ZNF227: variants seen among roughly 807,000 people sequenced by gnomAD.
The protein encoded by ZNF227 is zinc finger protein 227.
In ZNF227, 12 loss-of-function variants were observed where a neutral mutation model predicts 13.2. The observed-to-expected ratio is 0.91, with a 90% CI of 0.58 to 1.47. The LOEUF (loss-of-function observed/expected upper bound fraction) is 1.47, where lower values mean the gene tolerates loss of function less well. Among genes scored for constraint, ZNF227 ranks in the 40% most tolerant of loss-of-function variants. The pLI, the probability that ZNF227 is intolerant of heterozygous loss-of-function variation, is 0.00. For missense variants in ZNF227, 885 were observed against 967.5 expected (o/e 0.91, Z 1.13); for synonymous variants, 338 against 326.0 (o/e 1.04, Z -0.40).
chr19:44,211,881 TATAATAG>T (rs1971386826), upstream of ZNF227, among the ~76,000 whole-genome samples: 1 of 148,602 alleles, frequency 6.7e-6, no homozygotes, highest in Non-Finnish European at 1.5e-5. Context: ...ATCTGTTTCT[TATAATAG>T]TTTTTTTTTT....
chr19:44,220,354 C>CACTG (rs1363733093), intron 3 of ZNF227, among the ~76,000 whole-genome samples: 1 of 152,114 alleles, frequency 6.6e-6, no homozygotes, highest in Non-Finnish European at 1.5e-5. Flanking sequence ...GGAATTGCCA[C>CACTG]ACTGACTTCC....
At position 44,235,732 on chromosome 19, in the gene ZNF227, A is replaced by G. The variant is rs762162162; in HGVS notation, c.1302A>G (p.Lys434=). The G allele has an allele frequency of 3.1e-6, 5 of 1,613,668 alleles. No individual in the cohort carries two copies. The African/African-American group carries it at 6.7e-5, about 22-fold the overall frequency. Residue 434 remains lysine, a synonymous_variant, in exon 6 of 6, where the codon AAA becomes AAG. Coordinates refer to ENST00000313040, the MANE Select transcript of ZNF227 (RefSeq NM_182490.3). The stretch of plus-strand genomic sequence containing the variant: ...ATCAGAGAGTCCACACTGGAGAGAA[A>G]CCCTACAAGTGTGATGTGTGTGGTA... ...HIHQRVHTGE[K]PYKCDVCGKG...
At chr19:44,229,840 G>T (rs1334001202) in intron 5 of ZNF227, 24 bp downstream of exon 5, 4 of 1,507,570 alleles carry the variant, frequency 2.7e-6, no homozygotes, top group Non-Finnish European at 2.7e-6. Flanking sequence ...TGAGAACCCT[G>T]TGTCTGTTCT....
intron 2 of ZNF227, among the ~76,000 whole-genome samples, chr19:44,216,877 G>A (rs1237446734): frequency 6.6e-6 from 1 of 151,574 alleles, no homozygotes; most frequent in East Asian, 1.9e-4. Flanking sequence ...GTCAGATTTC[G>A]GCTTTTCAGA....
At position 44,224,835 on chromosome 19, in the gene ZNF227, G is replaced by A. The variant is rs181883219; in HGVS notation, c.61-3611G>A. ...TTGATGTTAGCTGGTTATTTTGCTC[G>A]TTAGTTGATGCAGTTTCTTCCTAGC... is the stretch of plus-strand genomic sequence containing the variant. On this transcript the variant is annotated intron_variant, in intron 3 of 5. Transcript: ENST00000313040. Among the ~76,000 whole-genome samples, 649 of 152,206 alleles carry A rather than the reference G, an allele frequency of 4.3e-3. 4 individuals carry two copies. Among genetic ancestry groups the A allele is most frequent in the African/African-American group, 0.015 (604 of 41,540 alleles).
chr19:44,220,109 C>T (rs955840100), intron 3 of ZNF227, among the ~76,000 whole-genome samples: 37 of 152,238 alleles, frequency 2.4e-4, no homozygotes, highest in African/African-American at 8.7e-4. Context: ...AGGACATGAA[C>T]TCATCCTTTT....
chr19:44,216,370 TTC>T (rs1971881520), intron 2 of ZNF227, among the ~76,000 whole-genome samples: 1 of 152,180 alleles, frequency 6.6e-6, no homozygotes, highest in South Asian at 2.1e-4. Flanking sequence ...TAATTGTTAT[TTC>T]TTTTAGGTCA....
chr19:44,224,026 A>T (rs1972829770), intron 3 of ZNF227, among the ~76,000 whole-genome samples: 1 of 152,212 alleles, frequency 6.6e-6, no homozygotes, highest in African/African-American at 2.4e-5. Context: ...TTATATACCC[A>T]GTAGTCATTC....
At chr19:44,222,942 A>G (rs1972708780) in intron 3 of ZNF227, among the ~76,000 whole-genome samples, 1 of 151,116 alleles carries the variant, frequency 6.6e-6, no homozygotes, top group Non-Finnish European at 1.5e-5. Flanking sequence ...TGTCCCATCA[A>G]TACCTAATTT....
chr19:44,233,794 G>T (rs561632252), intron 5 of ZNF227, among the ~76,000 whole-genome samples: 155 of 152,278 alleles, frequency 1.0e-3, no homozygotes, highest in African/African-American at 3.5e-3. Context: ...TACCCGGGAG[G>T]CTGAGGAGGA....
In ZNF227 at chr19:44,235,651, C is replaced by G; in HGVS notation, c.1221C>G (p.Pro407=). ...VHQRVHRGEK[P]YKCEECGKGF... Reference sequence around the variant, plus strand: ...AGAGGGTCCACAGGGGTGAGAAGCCCTATAAATGTGAGGAATGTGGTAAGG... The same window carrying G: ...AGAGGGTCCACAGGGGTGAGAAGCCGTATAAATGTGAGGAATGTGGTAAGG... Residue 407 remains proline (P), a synonymous_variant, in exon 6 of 6, where the codon CCC becomes CCG. Transcript: ENST00000313040. 1 of 1,613,508 alleles carries G rather than the reference C, an allele frequency of 6.2e-7. No homozygotes were observed. The highest frequency in any genetic ancestry group is 1.3e-5 in the African/African-American group (1 of 74,714).
upstream of ZNF227, among the ~76,000 whole-genome samples, chr19:44,209,126 A>G (rs1220211771): frequency 3.3e-5 from 5 of 152,184 alleles, no homozygotes; most frequent in Non-Finnish European, 7.3e-5. Flanking sequence ...TTTTAAATGC[A>G]TTTATGCATT....
Position 44,235,391 on chromosome 19 carries a change from G to A in ZNF227, c.961G>A (p.Glu321Lys), listed in dbSNP as rs1974339319. 1 of 1,614,052 alleles carries A rather than the reference G, an allele frequency of 6.2e-7. No individual in the cohort carries two copies. Among genetic ancestry groups the A allele is most frequent in the Non-Finnish European group, 8.5e-7 (1 of 1,180,048 alleles). ...FHSYQSNHTG[E>K]KSYRCDSCGK... ...TTCTTATCAATCTAATCATACAGGA[G>A]AGAAGTCTTATAGATGCGACAGTTG... The change falls in exon 6 of 6, where the codon GAG becomes AAG. Residue 321 changes from glutamate (E) to lysine (K), a missense_variant. Glu to Lys is a moderately conservative substitution (Grantham distance 56). Transcript: ENST00000313040.
chr19:44,212,050 C>T (rs1017130038), upstream of ZNF227, among the ~76,000 whole-genome samples: 5 of 151,514 alleles, frequency 3.3e-5, no homozygotes, highest in Non-Finnish European at 7.4e-5. Flanking sequence ...CCACCACGCC[C>T]GGCTAATTTT....
chr19:44,228,243 CAA>C (rs1973388087), intron 3 of ZNF227: 1 of 510,636 alleles, frequency 2.0e-6, no homozygotes, highest in Middle Eastern at 5.4e-4. Context: ...AAGAAAAAAA[CAA>C]AAAACAGTGA....
chr19:44,211,962 C>G (rs370720588), upstream of ZNF227, among the ~76,000 whole-genome samples: 22 of 146,222 alleles, frequency 1.5e-4, 1 homozygote, highest in African/African-American at 5.3e-4. Flanking sequence ...GTGGCACGAT[C>G]TTGGCTCACT....
chr19:44,217,308 A>C, intron 2 of ZNF227: 1 of 390,432 alleles, frequency 2.6e-6, no homozygotes, highest in East Asian at 7.1e-5. Context: ...TTGTAACTAT[A>C]AGAGAAAGGG....
At chr19:44,213,438 T>C (rs1971532229) in intron 2 of ZNF227, 194 bp downstream of exon 2, 1 of 152,250 alleles carries the variant, frequency 6.6e-6, no homozygotes, top group African/African-American at 2.4e-5. Context: ...CATTCGTCTG[T>C]GGACCATAGC....
At chr19:44,211,509 T>C (rs1456767556), upstream of ZNF227, among the ~76,000 whole-genome samples, 1 of 152,232 alleles carries the variant, frequency 6.6e-6, no homozygotes, top group African/African-American at 2.4e-5. Flanking sequence ...GTTTAAACAC[T>C]GAAGTAATAA....
Sources: allele counts gnomAD v4.1 joint callset (sites outside exome capture counted in the v4.1 genomes callset), GRCh38; gene constraint gnomAD v4.1.1; transcripts MANE v1.5; gene names NCBI Gene and HGNC (gene_info 2026-07-23, HGNC 2026-07-21).